The following NRXN1 variants were observed in gnomAD, a reference collection of about 807,000 sequenced individuals.
NRXN1 encodes the protein neurexin 1.
A neutral mutation model predicts 150.9 loss-of-function variants in NRXN1; 39 were observed. The ratio of observed to expected loss-of-function variants is 0.26; its 90% CI spans 0.20 to 0.34. The LOEUF is 0.34. NRXN1 is among the 10% of genes least tolerant of loss of function. The pLI, the probability that NRXN1 is intolerant of heterozygous loss-of-function variation, is 1.00. For synonymous variants in NRXN1, 924 were observed against 757.0 expected, an observed-to-expected ratio of 1.22 and a Z score of -3.62; for missense variants, 1,815 against 1,949.9, an observed-to-expected ratio of 0.93 and a Z score of 1.30.
chr2:50,341,732 A>G (rs2077562336), intron 17 of NRXN1, among the ~76,000 whole-genome samples: 1 of 152,220 alleles, frequency 6.6e-6, no homozygotes, highest in African/African-American at 2.4e-5. Context: ...TTTGTTAGAA[A>G]AAATATATGC....
chr2:50,172,408 T>C (rs2060087171), intron 18 of NRXN1, among the ~76,000 whole-genome samples: 1 of 152,090 alleles, frequency 6.6e-6, no homozygotes, highest in African/African-American at 2.4e-5. Flanking sequence ...ATGTTCTTCT[T>C]GGAATCTAGG....
chr2:50,130,612 G>T (rs1344816827), intron 18 of NRXN1, among the ~76,000 whole-genome samples: 1 of 152,100 alleles, frequency 6.6e-6, no homozygotes, highest in Non-Finnish European at 1.5e-5. Flanking sequence ...AGAAAAACAT[G>T]CAAACAAACA....
intron 13 of NRXN1, among the ~76,000 whole-genome samples, chr2:50,498,744 C>G (rs538417809): frequency 6.6e-6 from 1 of 152,158 alleles, no homozygotes; most frequent in Admixed American, 6.5e-5. Flanking sequence ...ATATAAGGTA[C>G]TTGTATCAGT....
At chr2:50,571,624 T>TA (rs1259005919) in intron 8 of NRXN1, among the ~76,000 whole-genome samples, 1 of 152,062 alleles carries the variant, frequency 6.6e-6, no homozygotes, top group African/African-American at 2.4e-5. Context: ...ATGAGATTTT[T>TA]TTTTTTGGTT....
chr2:50,216,643 A>T (rs888415684), intron 18 of NRXN1, among the ~76,000 whole-genome samples: 5 of 149,820 alleles, frequency 3.3e-5, no homozygotes, highest in Non-Finnish European at 7.4e-5. Context: ...GCCATTATTT[A>T]AAAAAAAAAT....
chr2:50,067,543 G>A (rs1695547754), intron 19 of NRXN1, among the ~76,000 whole-genome samples: 2 of 152,130 alleles, frequency 1.3e-5, no homozygotes, highest in South Asian at 4.1e-4. Context: ...ATGAAAAGCA[G>A]CAGGGACAAG....
chr2:50,964,464 T>G (rs1383582117), intron 2 of NRXN1, among the ~76,000 whole-genome samples: 1 of 151,500 alleles, frequency 6.6e-6, no homozygotes, highest in Non-Finnish European at 1.5e-5. Context: ...AGGATGTAAC[T>G]TTTTCATTTA....
intron 5 of NRXN1, among the ~76,000 whole-genome samples, chr2:50,786,041 A>G (rs1478831864): frequency 8.6e-5 from 13 of 152,034 alleles, no homozygotes; most frequent in Admixed American, 7.9e-4. Flanking sequence ...GCCAAACATC[A>G]AGAGTGGGAG....
rs1198368082 is a variant in NRXN1 at position 51,028,263 on chromosome 2, G to A, written c.11C>T (p.Ala4Val). ...AAAACAGCCCCCGCGCTGGAGCAGC[G>A]CCGTCCCCATGCTCGGGGCTGGGGT... MGTALLQRGGCFLL... is the reference protein window; with the variant it reads MGTVLLQRGGCFLL... The change falls in exon 2 of 23, where the codon GCG becomes GTG. Residue 4 changes from alanine (A) to valine (V), a missense_variant. Transcript: ENST00000401669. The A allele has an allele frequency of 7.6e-6, 11 of 1,449,912 alleles. No homozygotes were observed. Among genetic ancestry groups the A allele is most frequent in the Non-Finnish European group, 9.9e-6 (11 of 1,107,362 alleles). The allele number at this position is 1,449,912 out of a possible 1,614,324, so 89.8% of individuals were successfully genotyped here. A position where few individuals can be genotyped will look rare whatever the true frequency, so the allele number is the denominator to read the frequency against.
chr2:50,519,810 G>A (rs2092735361), intron 12 of NRXN1, among the ~76,000 whole-genome samples: 1 of 151,894 alleles, frequency 6.6e-6, no homozygotes, highest in Non-Finnish European at 1.5e-5. Flanking sequence ...GATCACTGAA[G>A]AATCATGGTA....
rs779466673 is a variant in NRXN1 at position 50,927,311 on chromosome 2, G to A, written c.773-1356C>T. Among the ~76,000 whole-genome samples, 13 of 152,074 alleles carry A rather than the reference G, an allele frequency of 8.5e-5. No individual in the cohort carries two copies. The South Asian group carries it at 1.2e-3, about 15-fold the overall frequency. On this transcript the variant is annotated intron_variant, in intron 2 of 22. Coordinates refer to ENST00000401669, the MANE Select transcript of NRXN1 (RefSeq NM_001330078.2). ...GCTGAAAATTGAAGTATCAACACAG[G>A]CACATCTACTGATGTGGTGTTAGCA...
intron 5 of NRXN1, among the ~76,000 whole-genome samples, chr2:50,712,330 T>TA (rs969702120): frequency 1.1e-4 from 17 of 151,932 alleles, no homozygotes; most frequent in East Asian, 5.8e-4. Flanking sequence ...TGCTATTTTT[T>TA]AAAAAAAATT....
At chr2:50,885,316 TTAAAA>T (rs1680064739) in intron 5 of NRXN1, among the ~76,000 whole-genome samples, 1 of 151,218 alleles carries the variant, frequency 6.6e-6, no homozygotes, top group African/African-American at 2.4e-5. Flanking sequence ...ATGTTTAAAA[TTAAAA>T]TGAAATACGT....
chr2:50,224,075 T>C (rs10167892), intron 18 of NRXN1, among the ~76,000 whole-genome samples: 14,269 of 152,006 alleles, frequency 0.094, 818 homozygotes, highest in South Asian at 0.14. Context: ...ATTTAGTGCA[T>C]TCACCTTGAG....
chr2:50,140,869 T>C (rs527418120), intron 18 of NRXN1, among the ~76,000 whole-genome samples: 14 of 152,024 alleles, frequency 9.2e-5, no homozygotes, highest in Non-Finnish European at 1.8e-4. Flanking sequence ...AGATATAGAA[T>C]ATTATGTTCT....
At chr2:50,005,769 T>C (rs1231085968) in intron 21 of NRXN1, among the ~76,000 whole-genome samples, 1 of 152,162 alleles carries the variant, frequency 6.6e-6, no homozygotes, top group Non-Finnish European at 1.5e-5. Context: ...CACCAAATTC[T>C]ACAGTTCTCA....
intron 18 of NRXN1, among the ~76,000 whole-genome samples, chr2:50,145,293 C>T (rs1707838271): frequency 7.4e-6 from 1 of 134,388 alleles, no homozygotes; most frequent in South Asian, 2.3e-4. Flanking sequence ...TCTCTGTCCA[C>T]ACAAATACAC....
intron 17 of NRXN1, among the ~76,000 whole-genome samples, chr2:50,444,001 A>C (rs2086188121): frequency 1.3e-5 from 2 of 152,332 alleles, no homozygotes; most frequent in South Asian, 4.1e-4. Context: ...TTGGTATTAT[A>C]GATGGACTGC....
chr2:50,416,584 TG>T (rs1194008224), intron 17 of NRXN1, among the ~76,000 whole-genome samples: 2 of 152,114 alleles, frequency 1.3e-5, no homozygotes, highest in African/African-American at 2.4e-5. Flanking sequence ...TGCCCAAGAC[TG>T]GGTAATTTAT....
Sources: allele counts gnomAD v4.1 joint callset (sites outside exome capture counted in the v4.1 genomes callset), GRCh38; gene constraint gnomAD v4.1.1; transcripts MANE v1.5; gene names NCBI Gene and HGNC (gene_info 2026-07-23, HGNC 2026-07-21).